Variants in ARRB2 observed in about 807,000 individuals in gnomAD.
ARRB2 encodes beta-arrestin-2.
Under a neutral mutation model 53.4 loss-of-function variants are expected in ARRB2, and 21 were observed. The observed-to-expected ratio is 0.39, with a 90% confidence interval of 0.28 to 0.57. The LOEUF (loss-of-function observed/expected upper bound fraction) is 0.57. Ranked by LOEUF, ARRB2 falls within the 20% of genes least tolerant of loss-of-function variation. ARRB2 has a pLI of 0.55. For missense variants in ARRB2, 369 were observed against 527.5 expected, an observed-to-expected ratio of 0.70 and a Z score of 2.94; for synonymous variants, 180 against 212.9, an observed-to-expected ratio of 0.85 and a Z score of 1.34.
At chr17:4,718,792 T>TA in intron 10 of ARRB2, 108 bp downstream of exon 10, 3 of 1,275,292 alleles carry the variant, frequency 2.4e-6, no homozygotes, top group Non-Finnish European at 3.2e-6. Flanking sequence ...CTTTTTTTTT[T>TA]TTTTTGAGAT....
At chr17:4,718,735 C>T in intron 10 of ARRB2, 51 bp downstream of exon 10, 2 of 1,508,002 alleles carry the variant, frequency 1.3e-6, no homozygotes, top group East Asian at 4.6e-5. Context: ...AGAGCAGGAT[C>T]AGGAGAATGT....
rs376356334 is a variant in ARRB2, at chr17:4,721,044, C to G, written c.*5C>G. On this transcript the variant is annotated 3_prime_UTR_variant, in exon 15 of 15. Transcript: ENST00000269260. The surrounding 1 kb of genome is among the most constrained non-coding windows in gnomAD (Gnocchi z 4.2). ...TATGATGATCAACTCTGCTAGGAAG[C>G]GGGGTGGGAAGAAGGGAGGGGATGG... 1.4e-6 allele frequency: 2 copies of G among 1,463,482 alleles called. No homozygotes were observed. Among genetic ancestry groups the G allele is most frequent in the Non-Finnish European group, 1.9e-6 (2 of 1,045,620 alleles). 90.7% of individuals were successfully genotyped at this position (1,463,482 alleles called of 1,614,324 possible). A position where few individuals can be genotyped will look rare whatever the true frequency, so the allele number is the denominator to read the frequency against.
chr17:4,721,278 G>A lies in ARRB2; in HGVS notation c.*239G>A, dbSNP rs1342203062. 2 of 517,800 alleles carry A rather than the reference G, an allele frequency of 3.9e-6. No individual in the cohort carries two copies. The highest frequency in any genetic ancestry group is 6.8e-6 in the Non-Finnish European group (2 of 292,346). The allele number at this position is 517,800 out of a possible 1,614,324, so 32.1% of individuals were successfully genotyped here. ...GCTCTGCTTCTCCAGCCCCGCCGTGGGTGGCAAGCTGTGTTCATACCTAAA... is the reference window on the plus strand; with the variant it reads ...GCTCTGCTTCTCCAGCCCCGCCGTGAGTGGCAAGCTGTGTTCATACCTAAA... On this transcript the variant is annotated 3_prime_UTR_variant, in exon 15 of 15. Transcript: ENST00000269260. The surrounding 1 kb of genome is among the most constrained non-coding windows in gnomAD (Gnocchi z 4.2).
chr17:4,720,733 G>A, intron 14 of ARRB2, 93 bp downstream of exon 14: 5 of 1,231,622 alleles, frequency 4.1e-6, no homozygotes, highest in Non-Finnish European at 5.6e-6. Flanking sequence ...CTTTTGGTGG[G>A]GAGAAGCGGA....
In ARRB2 at chr17:4,716,143, C is replaced by G; in HGVS notation, c.116-4C>G. On this transcript the variant is annotated splice_region_variant and splice_polypyrimidine_tract_variant and intron_variant, in intron 3 of 14. Transcript: ENST00000269260. ...GGAAGTGAGCTGGTGTGTCCCCCTCCTAGATGGCGTGGTGCTTGTGGACCC... is the reference window on the plus strand; with the variant it reads ...GGAAGTGAGCTGGTGTGTCCCCCTCGTAGATGGCGTGGTGCTTGTGGACCC... The G allele has an allele frequency of 6.2e-7, 1 of 1,614,118 alleles. No homozygotes were observed. Among genetic ancestry groups the G allele is most frequent in the Non-Finnish European group, 8.5e-7 (1 of 1,179,974 alleles).
intron 1 of ARRB2, among the ~76,000 whole-genome samples, chr17:4,712,686 G>A (rs1343313083): frequency 6.6e-6 from 1 of 152,252 alleles, no homozygotes; most frequent in Non-Finnish European, 1.5e-5. Flanking sequence ...CACTGGGGTT[G>A]CCAAACACTT....
chr17:4,719,478 G>C (rs919632740), intron 11 of ARRB2, 58 bp downstream of exon 11: 6 of 1,593,254 alleles, frequency 3.8e-6, no homozygotes, highest in Non-Finnish European at 5.1e-6. Flanking sequence ...TCGGTTCAGT[G>C]CTCTATCCTA....
rs749437363 is a variant in ARRB2 at position 4,716,601 on chromosome 17, T to G, written c.350T>G (p.Phe117Cys). ...RKLGQHAHPF[F>C]FTIPQNLPCS... ...CTGGGCCAGCATGCCCACCCCTTCT[T>G]CTTCACCGTGAGGATGCCCCTGCCC... Residue 117 changes from phenylalanine to cysteine, a missense_variant, in exon 5 of 15, where the codon TTC becomes TGC. By Grantham distance (205) the Phe-to-Cys change is radical (BLOSUM62 -2). Transcript: ENST00000269260. 6.4e-6 allele frequency: 10 copies of G among 1,565,394 alleles called. No individual in the cohort carries two copies. The highest frequency in any genetic ancestry group is 1.8e-4 in the Middle Eastern group (1 of 5,494).
intron 1 of ARRB2, among the ~76,000 whole-genome samples, chr17:4,711,883 G>A (rs1424113109): frequency 6.6e-6 from 1 of 152,216 alleles, no homozygotes; most frequent in African/African-American, 2.4e-5. Context: ...ATAGCAGGAA[G>A]TGTGAAAGGA....
chr17:4,718,921 A>G (rs1389468713), intron 10 of ARRB2, among the ~76,000 whole-genome samples: 1 of 151,608 alleles, frequency 6.6e-6, no homozygotes, highest in Non-Finnish European at 1.5e-5. Context: ...AGCTGGGACT[A>G]CAGGCATGCA....
Position 4,715,995 on chromosome 17 carries a change from G to T in ARRB2, c.77G>T (p.Arg26Leu). ...CAGCTCACCGTGTACTTGGGCAAGC[G>T]GGACTTCGTAGATCACCTGGACAAA... is the stretch of plus-strand genomic sequence containing the variant. ...NCKLTVYLGK[R>L]DFVDHLDKVD... The change falls in exon 3 of 15, where the codon CGG (arginine) becomes CTG (leucine). Residue 26 changes from arginine to leucine, a missense_variant. Arg to Leu is a moderately radical substitution (Grantham distance 102). Coordinates refer to ENST00000269260, the MANE Select transcript of ARRB2 (RefSeq NM_004313.4). 1 of 1,614,186 alleles carries T rather than the reference G, an allele frequency of 6.2e-7. No individual in the cohort carries two copies. Among genetic ancestry groups the T allele is most frequent in the Non-Finnish European group, 8.5e-7 (1 of 1,180,036 alleles).
At chr17:4,712,426 A>T (rs1266246329) in intron 1 of ARRB2, among the ~76,000 whole-genome samples, 1 of 152,206 alleles carries the variant, frequency 6.6e-6, no homozygotes, top group Admixed American at 6.5e-5. Context: ...TTGCTCTCCT[A>T]TATGCTCCAG....
In ARRB2 at chr17:4,717,116, G is replaced by A. The variant is rs1915154127; in HGVS notation, c.358-101G>A. On this transcript the variant is annotated intron_variant, in intron 5 of 14. Transcript: ENST00000269260. The surrounding 1 kb of genome is among the most constrained non-coding windows in gnomAD (Gnocchi z 6.0). ...TCCAAAGTGTTGGGATTACAGGCATGAGCCACCACACCCAGCGTCTCCAGC... is the reference window on the plus strand; with the variant it reads ...TCCAAAGTGTTGGGATTACAGGCATAAGCCACCACACCCAGCGTCTCCAGC... 4.5e-6 allele frequency: 6 copies of A among 1,342,384 alleles called. No individual in the cohort carries two copies. The highest frequency in any genetic ancestry group is 1.8e-4 in the Middle Eastern group (1 of 5,530). The allele number at this position is 1,342,384 out of a possible 1,614,324, so 83.2% of individuals were successfully genotyped here.
Position 4,717,659 on chromosome 17 carries a change from A to T in ARRB2, c.418-26A>T. The T allele has an allele frequency of 6.2e-7, 1 of 1,613,858 alleles. No individual in the cohort carries two copies. The highest frequency in any genetic ancestry group is 1.3e-5 in the African/African-American group (1 of 75,014). On this transcript the variant is annotated intron_variant, in intron 6 of 14. Coordinates refer to ENST00000269260, the MANE Select transcript of ARRB2 (RefSeq NM_004313.4). This position sits in a 1 kb window ranked among gnomAD's most constrained non-coding sequence, Gnocchi z 6.0. ...GATGGTGGCGGGAGCCTCCGGTAAG[A>T]TGTGGCCTTTTCTCCCCTCCCCGAG...
At chr17:4,715,435 C>G in intron 2 of ARRB2, 1 of 291,162 alleles carries the variant, frequency 3.4e-6, no homozygotes, top group Non-Finnish European at 6.5e-6. Flanking sequence ...TGCTCTCTAG[C>G]TGGCTGGTTG....
At chr17:4,716,853 G>A in intron 5 of ARRB2, 1 of 729,758 alleles carries the variant, frequency 1.4e-6, no homozygotes, top group Non-Finnish European at 2.2e-6. Context: ...TGTTGTTGTT[G>A]AGACAAAGTC....
intron 1 of ARRB2, among the ~76,000 whole-genome samples, chr17:4,714,068 ATGGC>A (rs1392762910): frequency 7.0e-6 from 1 of 143,304 alleles, no homozygotes; most frequent in Non-Finnish European, 1.5e-5. Flanking sequence ...TCTTCATGAT[ATGGC>A]TGGCATTGTG....
chr17:4,713,954 ACT>A (rs1377786312), intron 1 of ARRB2, among the ~76,000 whole-genome samples: 1 of 152,158 alleles, frequency 6.6e-6, no homozygotes. Context: ...ACAGAGTGAG[ACT>A]CTGTCTCAAA....
At position 4,717,218 on chromosome 17, in the gene ARRB2, T is replaced by G. The variant is rs1470277249; in HGVS notation, c.359T>G (p.Ile120Arg). ...GQHAHPFFFTIPQNLPCSVTL... is the reference protein window; with the variant it reads ...GQHAHPFFFTRPQNLPCSVTL... ...AGTCTTCTCCTTCCTCCGCCACAGA[T>G]ACCCCAGAATCTTCCATGCTCCGTC... is the stretch of plus-strand genomic sequence containing the variant. The change falls in exon 6 of 15, where the codon ATA becomes AGA. Residue 120 changes from isoleucine to arginine, a missense_variant and splice_region_variant. By Grantham distance (97) the Ile-to-Arg change is moderately conservative. Coordinates refer to ENST00000269260, the MANE Select transcript of ARRB2 (RefSeq NM_004313.4). The surrounding 1 kb of genome is among the most constrained non-coding windows in gnomAD (Gnocchi z 6.0). 1 of 1,613,870 alleles carries G rather than the reference T, an allele frequency of 6.2e-7. No homozygotes were observed. Among genetic ancestry groups the G allele is most frequent in the Non-Finnish European group, 8.5e-7 (1 of 1,179,908 alleles).
Sources: allele counts gnomAD v4.1 joint callset (sites outside exome capture counted in the v4.1 genomes callset), GRCh38; gene constraint gnomAD v4.1.1; non-coding constraint Gnocchi (gnomAD v3.1); transcripts MANE v1.5; gene names NCBI Gene and HGNC (gene_info 2026-07-23, HGNC 2026-07-21).